The following ZBTB10 variants were observed in gnomAD, a reference collection of about 807,000 sequenced individuals.
The protein encoded by ZBTB10 is zinc finger and BTB domain-containing protein 10.
Under a neutral mutation model 76.4 loss-of-function variants are expected in ZBTB10, and 32 were observed. The observed-to-expected ratio is 0.42, with a 90% CI of 0.32 to 0.56. ZBTB10 has a LOEUF of 0.56. ZBTB10 is among the 20% of genes least tolerant of loss of function. The pLI is 0.14. For missense variants in ZBTB10, 1,057 were observed against 1,098.5 expected (o/e 0.96, Z 0.53); for synonymous variants, 523 against 432.9 (o/e 1.21, Z -2.58).
At chr8:80,506,081 A>G (rs776823689) in intron 2 of ZBTB10, among the ~76,000 whole-genome samples, 1 of 152,026 alleles carries the variant, frequency 6.6e-6, no homozygotes, top group Non-Finnish European at 1.5e-5. Flanking sequence ...ACCATGGGAC[A>G]TGGCTTTGGT....
Position 80,523,176 on chromosome 8 carries a change from A to C in ZBTB10, c.*3648A>C, listed in dbSNP as rs1816483131. ...TTCAGAAACTTGGCTAATTTAACACAGCTGTGACAGAGCTCGAATTTGACC... is the reference window on the plus strand; with the variant it reads ...TTCAGAAACTTGGCTAATTTAACACCGCTGTGACAGAGCTCGAATTTGACC... On this transcript the variant is annotated 3_prime_UTR_variant, in exon 6 of 6. Transcript: ENST00000455036. 1 of 151,964 alleles carries C rather than the reference A, an allele frequency of 6.6e-6. No homozygotes were observed. The highest frequency in any genetic ancestry group is 1.5e-5 in the Non-Finnish European group (1 of 67,886). The allele number at this position is 151,964 out of a possible 1,614,324, so 9.4% of individuals were successfully genotyped here.
intron 2 of ZBTB10, among the ~76,000 whole-genome samples, chr8:80,512,423 A>G (rs984816701): frequency 2.0e-5 from 3 of 151,992 alleles, no homozygotes; most frequent in Admixed American, 6.6e-5. Flanking sequence ...CACATATGTA[A>G]TTTTCGGCCG....
intron 2 of ZBTB10, among the ~76,000 whole-genome samples, chr8:80,507,122 A>C (rs565760254): frequency 6.1e-4 from 92 of 151,498 alleles, no homozygotes; most frequent in African/African-American, 2.2e-3. Flanking sequence ...ATCCTGGCCA[A>C]CATGGTGAAA....
chr8:80,509,786 T>C (rs1816144674), intron 2 of ZBTB10, among the ~76,000 whole-genome samples: 1 of 152,094 alleles, frequency 6.6e-6, no homozygotes, highest in African/African-American at 2.4e-5. Flanking sequence ...GGTAATATTT[T>C]CATTTTTTTT....
Position 80,486,431 on chromosome 8 carries a change from G to C in ZBTB10, c.-380G>C, listed in dbSNP as rs1156645087. ...CGGTGTGTGCGCGCGCGGCTTTAAAGAGGGGGCAGCGGAGGGTCTCCCCGC... is the reference window on the plus strand; with the variant it reads ...CGGTGTGTGCGCGCGCGGCTTTAAACAGGGGGCAGCGGAGGGTCTCCCCGC... On this transcript the variant is annotated 5_prime_UTR_variant, in exon 1 of 6. Coordinates refer to ENST00000455036, the MANE Select transcript of ZBTB10 (RefSeq NM_001105539.3). 2 of 984,668 alleles carry C rather than the reference G, an allele frequency of 2.0e-6. No individual in the cohort carries two copies. The highest frequency in any genetic ancestry group is 2.4e-6 in the Non-Finnish European group (2 of 829,916). 61.0% of individuals were successfully genotyped at this position (984,668 alleles called of 1,614,324 possible). A position where few individuals can be genotyped will look rare whatever the true frequency, so the allele number is the denominator to read the frequency against.
chr8:80,486,952 C>CCGCCGCCAG lies in ZBTB10; in HGVS notation c.150_158dup (p.Pro52_Ala54dup), dbSNP rs928029727. 7.3e-6 allele frequency: 11 copies of CCGCCGCCAG among 1,513,486 alleles called. No homozygotes were observed. Among genetic ancestry groups the CCGCCGCCAG allele is most frequent in the Admixed American group, 2.1e-5 (1 of 48,142 alleles). 93.8% of individuals were successfully genotyped at this position (1,513,486 alleles called of 1,614,324 possible). A position where few individuals can be genotyped will look rare whatever the true frequency, so the allele number is the denominator to read the frequency against. On this transcript the variant is annotated inframe_insertion, in exon 1 of 6. Coordinates refer to ENST00000455036, the MANE Select transcript of ZBTB10 (RefSeq NM_001105539.3). ...TCCGCAGCCCCAGCCGAGACAGCCC[C>CCGCCGCCAG]CGCCGCCAGCGCCGCCCGCGCTTCA...
At chr8:80,507,290 G>C (rs537289999) in intron 2 of ZBTB10, among the ~76,000 whole-genome samples, 1 of 147,598 alleles carries the variant, frequency 6.8e-6, no homozygotes, top group African/African-American at 2.5e-5. Context: ...CTGGGTGACA[G>C]AGCGAGACTC....
chr8:80,496,651 T>G (rs1815790395), intron 1 of ZBTB10, among the ~76,000 whole-genome samples: 1 of 152,198 alleles, frequency 6.6e-6, no homozygotes, highest in Non-Finnish European at 1.5e-5. Flanking sequence ...CAGAGAATCT[T>G]AACAATTGGC....
At chr8:80,500,485 TACTA>T in intron 2 of ZBTB10, 103 bp downstream of exon 2, 3 of 1,200,644 alleles carry the variant, frequency 2.5e-6, no homozygotes, top group South Asian at 3.9e-5. Flanking sequence ...TATAAAGTAA[TACTA>T]AAGTTGTTTA....
chr8:80,486,223 T>C (rs900365905), upstream of ZBTB10: 2 of 1,056,192 alleles, frequency 1.9e-6, no homozygotes, highest in Non-Finnish European at 2.3e-6. Context: ...CGGTCCGTTG[T>C]TCATTTGCCA....
intron 2 of ZBTB10, among the ~76,000 whole-genome samples, chr8:80,508,380 C>T (rs1322461860): frequency 3.9e-5 from 6 of 152,126 alleles, no homozygotes; most frequent in Non-Finnish European, 5.9e-5. Context: ...TTTCTGGGAA[C>T]TCCAAAATAG....
At chr8:80,497,296 A>T (rs1266732029) in intron 1 of ZBTB10, among the ~76,000 whole-genome samples, 1 of 152,184 alleles carries the variant, frequency 6.6e-6, no homozygotes, top group Non-Finnish European at 1.5e-5. Flanking sequence ...AGGTTAAATA[A>T]GTCTCATTAT....
At position 80,500,223 on chromosome 8, in the gene ZBTB10, A is replaced by G. The variant is rs1358270839; in HGVS notation, c.1702A>G (p.Ile568Val). The G allele has an allele frequency of 1.9e-6, 3 of 1,597,334 alleles. No individual in the cohort carries two copies. Among genetic ancestry groups the G allele is most frequent in the African/African-American group, 2.7e-5 (2 of 74,462 alleles). Reference protein sequence around the residue: ...FIWNNMGSQGIQETGKTRRKN... With the variant: ...FIWNNMGSQGVQETGKTRRKN... ...TTGGAATAATATGGGCTCCCAGGGA[A>G]TTCAAGAGACTGGCAAAACAAGGAG... Residue 568 changes from isoleucine (I) to valine (V), a missense_variant, in exon 2 of 6, where the codon ATT (isoleucine) becomes GTT (valine). By Grantham distance (29) the Ile-to-Val change is conservative (BLOSUM62 3). Around this residue, in one of 5 missense-constraint regions of ZBTB10, gnomAD observed 306 missense variants for 297.5 expected, o/e 1.03. Coordinates refer to ENST00000455036, the MANE Select transcript of ZBTB10 (RefSeq NM_001105539.3).
At chr8:80,497,644 C>T (rs1815820226) in intron 1 of ZBTB10, among the ~76,000 whole-genome samples, 1 of 149,422 alleles carries the variant, frequency 6.7e-6, no homozygotes, top group Non-Finnish European at 1.5e-5. Context: ...TCATACTATT[C>T]CATTTTCACA....
At chr8:80,502,526 G>GC (rs1293057153) in intron 2 of ZBTB10, among the ~76,000 whole-genome samples, 3 of 152,080 alleles carry the variant, frequency 2.0e-5, no homozygotes, top group African/African-American at 7.2e-5. Context: ...GAGCCACCGT[G>GC]CCCAGCCGTC....
At position 80,487,024 on chromosome 8, in the gene ZBTB10, C is replaced by G. The variant is rs1268805561; in HGVS notation, c.214C>G (p.Leu72Val). 2 of 1,518,170 alleles carry G rather than the reference C, an allele frequency of 1.3e-6. No homozygotes were observed. The highest frequency in any genetic ancestry group is 1.8e-6 in the Non-Finnish European group (2 of 1,139,066). The allele number at this position is 1,518,170 out of a possible 1,614,324, so 94.0% of individuals were successfully genotyped here. ...GADEEVELEG[L>V]EPQDLEASAG... ...CGACGAGGAAGTGGAATTGGAGGGC[C>G]TGGAGCCCCAAGACCTGGAGGCCTC... Residue 72 changes from leucine to valine, a missense_variant, in exon 1 of 6, where the codon CTG becomes GTG. By Grantham distance (32) the Leu-to-Val change is conservative. This residue lies in a region of ZBTB10 where 556 missense variants were observed against 451.7 expected (regional missense o/e 1.23). Transcript: ENST00000455036.
intron 3 of ZBTB10, among the ~76,000 whole-genome samples, 194 bp downstream of exon 3, chr8:80,514,202 C>T (rs386473389): frequency 1.9e-4 from 29 of 152,080 alleles, no homozygotes; most frequent in Admixed American, 1.3e-3. Flanking sequence ...GTATGTTTGA[C>T]GGAGTCATTT....
rs1426025424 is a variant in ZBTB10 at position 80,487,055 on chromosome 8, G to T, written c.245G>T (p.Gly82Val). ...LEPQDLEASA[G>V]PAAGAAEEAK... ...CCCCAAGACCTGGAGGCCTCCGCCG[G>T]GCCGGCCGCCGGCGCCGCCGAGGAA... The change falls in exon 1 of 6, where the codon GGG (glycine) becomes GTG (valine). Residue 82 changes from glycine (G) to valine (V), a missense_variant. This residue lies in a region of ZBTB10 where 556 missense variants were observed against 451.7 expected (regional missense o/e 1.23). Coordinates refer to ENST00000455036, the MANE Select transcript of ZBTB10 (RefSeq NM_001105539.3). 2.0e-6 allele frequency: 3 copies of T among 1,516,622 alleles called. No individual in the cohort carries two copies. The highest frequency in any genetic ancestry group is 2.6e-6 in the Non-Finnish European group (3 of 1,139,380). 93.9% of individuals were successfully genotyped at this position (1,516,622 alleles called of 1,614,324 possible). A position where few individuals can be genotyped will look rare whatever the true frequency, so the allele number is the denominator to read the frequency against.
upstream of ZBTB10, chr8:80,485,945 G>T (rs572418985): frequency 6.7e-7 from 1 of 1,493,874 alleles, no homozygotes; most frequent in African/African-American, 1.4e-5. Flanking sequence ...TGTCCTCCGC[G>T]TAGCCCGGCC....
Sources: gnomAD v4.1 joint callset for allele counts (sites outside exome capture counted in the v4.1 genomes callset) on GRCh38, gnomAD v4.1.1 for gene constraint, gnomAD v4.1.1 regional missense constraint, MANE v1.5 for transcripts, NCBI Gene and HGNC (gene_info 2026-07-23, HGNC 2026-07-21) for gene names.